Variants in PRSS21 observed in about 807,000 individuals in gnomAD.
PRSS21 encodes testisin.
In PRSS21, 40 loss-of-function variants were observed where a neutral mutation model predicts 31.1. That is an observed-to-expected ratio of 1.29 (90% CI 1.00 to 1.68). The LOEUF (loss-of-function observed/expected upper bound fraction) is 1.68, where lower values mean the gene tolerates loss of function less well. Among genes scored for constraint, PRSS21 ranks in the 40% most tolerant of loss-of-function variants. The pLI is 0.00. For synonymous variants in PRSS21, 186 were observed against 167.7 expected (o/e 1.11, Z -0.84); for missense variants, 467 against 412.6 (o/e 1.13, Z -1.14).
intron 4 of PRSS21, among the ~76,000 whole-genome samples, chr16:2,820,291 G>A (rs905729127): frequency 6.6e-6 from 1 of 152,226 alleles, no homozygotes; most frequent in Non-Finnish European, 1.5e-5. Context: ...CCCGCTGACG[G>A]GAAGCGCTGC....
chr16:2,821,150 C>G, intron 5 of PRSS21, 41 bp downstream of exon 5: 1 of 1,609,580 alleles, frequency 6.2e-7, no homozygotes, highest in South Asian at 1.1e-5. Flanking sequence ...GGAAAGCATC[C>G]TGTGTCCCTG....
Position 2,817,809 on chromosome 16 carries a change from G to A in PRSS21, c.100G>A (p.Gly34Ser), listed in dbSNP as rs1274971296. ...QEAAPLSGPC[G>S]RRVITSRIVG... ...TCCTCTGACCATCCGAGGACCATGC[G>A]GCCGACGGGTCATCACGTCGCGCAT... Residue 34 changes from glycine to serine, a missense_variant, in exon 3 of 6, where the codon GGC becomes AGC. Coordinates refer to ENST00000005995, the MANE Select transcript of PRSS21 (RefSeq NM_006799.4). The surrounding 1 kb of genome is among the most constrained non-coding windows in gnomAD (Gnocchi z 4.2). 1.3e-6 allele frequency: 2 copies of A among 1,549,760 alleles called. No individual in the cohort carries two copies. The highest frequency in any genetic ancestry group is 3.9e-5 in the Admixed American group (2 of 51,024).
At chr16:2,820,911 G>A (rs1210186700) in intron 4 of PRSS21, 44 bp from the exon 5 acceptor site, 1 of 1,597,116 alleles carries the variant, frequency 6.3e-7, no homozygotes, top group Non-Finnish European at 8.5e-7. Context: ...CCATAGAGGG[G>A]CCTCAGGTTG....
At chr16:2,818,650 C>T in intron 3 of PRSS21, 27 bp from the exon 4 acceptor site, 1 of 1,607,738 alleles carries the variant, frequency 6.2e-7, no homozygotes, top group Non-Finnish European at 8.5e-7. Context: ...ATCCAGGGCC[C>T]CTGACTGCTC....
chr16:2,818,585 CCA>C (rs2069118224), intron 3 of PRSS21, 90 bp from the exon 4 acceptor site: 2 of 1,322,798 alleles, frequency 1.5e-6, no homozygotes, highest in African/African-American at 1.5e-5. Flanking sequence ...AGCAGCAACA[CCA>C]CAGTTTCCCC....
Position 2,817,861 on chromosome 16 carries a change from G to T in PRSS21, c.152G>T (p.Gly51Val). 6.4e-7 allele frequency: 1 copy of T among 1,550,458 alleles called. No homozygotes were observed. Residue 51 changes from glycine (G) to valine (V), a missense_variant, in exon 3 of 6, where the codon GGG becomes GTG. By Grantham distance (109) the Gly-to-Val change is moderately radical (BLOSUM62 -3). Coordinates refer to ENST00000005995, the MANE Select transcript of PRSS21 (RefSeq NM_006799.4). The surrounding 1 kb of genome is among the most constrained non-coding windows in gnomAD (Gnocchi z 4.2). ...RIVGGEDAELGRWPWQGSLRL... is the reference protein window; with the variant it reads ...RIVGGEDAELVRWPWQGSLRL... ...GTGGGTGGAGAGGACGCCGAACTCGGGCGTTGGCCGTGGCAGGGGAGCCTG... is the reference window on the plus strand; with the variant it reads ...GTGGGTGGAGAGGACGCCGAACTCGTGCGTTGGCCGTGGCAGGGGAGCCTG...
Position 2,821,078 on chromosome 16 carries a change from G to T in PRSS21, c.674G>T (p.Gly225Val). The T allele has an allele frequency of 6.2e-7, 1 of 1,614,074 alleles. No individual in the cohort carries two copies. The highest frequency in any genetic ancestry group is 1.3e-5 in the African/African-American group (1 of 75,016). Residue 225 changes from glycine (G) to valine (V), a missense_variant, in exon 5 of 6, where the codon GGC becomes GTC. By Grantham distance (109) the Gly-to-Val change is moderately radical. Coordinates refer to ENST00000005995, the MANE Select transcript of PRSS21 (RefSeq NM_006799.4). ...ATCTTTGGAGACATGGTTTGTGCTG[G>T]CAATGCCCAAGGCGGGAAGGATGCC... ...KDIFGDMVCA[G>V]NAQGGKDACF...
chr16:2,818,876 A>G lies in PRSS21; in HGVS notation c.457A>G (p.Ile153Val), dbSNP rs1223544155. Reference sequence around the variant, plus strand: ...TGCACCTGTCACCTACACTAAACACATCCAGCCCATCTGTCTCCAGGCCTC... The same window carrying G: ...TGCACCTGTCACCTACACTAAACACGTCCAGCCCATCTGTCTCCAGGCCTC... The part of the protein sequence containing the change: ...LSAPVTYTKH[I>V]QPICLQASTF... Residue 153 changes from isoleucine (I) to valine (V), a missense_variant, in exon 4 of 6, where the codon ATC becomes GTC. Ile to Val is a conservative substitution (Grantham distance 29, BLOSUM62 3). Coordinates refer to ENST00000005995, the MANE Select transcript of PRSS21 (RefSeq NM_006799.4). 1.2e-6 allele frequency: 2 copies of G among 1,614,198 alleles called. No homozygotes were observed. Among genetic ancestry groups the G allele is most frequent in the South Asian group, 1.1e-5 (1 of 91,086 alleles).
At chr16:2,819,960 C>A (rs536669521) in intron 4 of PRSS21, among the ~76,000 whole-genome samples, 1 of 152,160 alleles carries the variant, frequency 6.6e-6, no homozygotes, top group African/African-American at 2.4e-5. Flanking sequence ...TGAGAAGGAC[C>A]CTTGCTGCAA....
Position 2,821,603 on chromosome 16 carries a change from T to G in PRSS21, c.943T>G (p.Ter315GlyextTer24), listed in dbSNP as rs755503370. The change falls in exon 6 of 6, where the codon TGA (stop) becomes GGA (glycine). Residue 315 changes from the stop codon to glycine (G), a stop_lost. Coordinates refer to ENST00000005995, the MANE Select transcript of PRSS21 (RefSeq NM_006799.4). The part of the protein sequence containing the change: ...LWALPLLGPV[*>G] ...GGCTCTCCCACTCCTGGGGCCGGTC[T>G]GAGCCTACCTGAGCCCATGCAGCCT... 2.5e-6 allele frequency: 4 copies of G among 1,608,532 alleles called. No homozygotes were observed. Among genetic ancestry groups the G allele is most frequent in the Non-Finnish European group, 3.4e-6 (4 of 1,177,086 alleles).
At chr16:2,819,018 G>A in intron 4 of PRSS21, 49 bp downstream of exon 4, 1 of 1,594,858 alleles carries the variant, frequency 6.3e-7, no homozygotes, top group African/African-American at 1.3e-5. Flanking sequence ...TTGTTCACCT[G>A]TTCCCCTGCA....
chr16:2,821,046 C>G lies in PRSS21; in HGVS notation c.642C>G (p.Arg214=). ...ACCTCTTCCTCAAGTACAGTTTCCG[C>G]AAGGACATCTTTGGAGACATGGTTT... ...CNHLFLKYSF[R]KDIFGDMVCA... is the part of the protein sequence containing the mutation. Residue 214 remains arginine (R), a synonymous_variant, in exon 5 of 6, where the codon CGC becomes CGG. Coordinates refer to ENST00000005995, the MANE Select transcript of PRSS21 (RefSeq NM_006799.4). The G allele has an allele frequency of 6.2e-7, 1 of 1,614,166 alleles. No individual in the cohort carries two copies.
Position 2,817,459 on chromosome 16 carries a change from A to G in PRSS21, c.91+3A>G. The G allele has an allele frequency of 2.0e-6, 3 of 1,533,824 alleles. No homozygotes were observed. The highest frequency in any genetic ancestry group is 1.1e-5 in the South Asian group (1 of 88,468). ...GCAGGAGGCGGCGCCGTTATCAGGT[A>G]GGGCGCCCAGGACGCGCGATTCCTG... is the stretch of plus-strand genomic sequence containing the variant. On this transcript the variant is annotated splice_donor_region_variant and intron_variant, in intron 2 of 5. Transcript: ENST00000005995. The surrounding 1 kb of genome is among the most constrained non-coding windows in gnomAD (Gnocchi z 4.2).
rs2069127022 is a variant in PRSS21 at position 2,818,931 on chromosome 16, G to A, written c.512G>A (p.Cys171Tyr). The change falls in exon 4 of 6, where the codon TGC becomes TAC. Residue 171 changes from cysteine (C) to tyrosine (Y), a missense_variant. Cys to Tyr is a radical substitution (Grantham distance 194, BLOSUM62 -2). Coordinates refer to ENST00000005995, the MANE Select transcript of PRSS21 (RefSeq NM_006799.4). ...TTTGAGTTTGAGAACCGGACAGACT[G>A]CTGGGTGACTGGCTGGGGGTACATC... Reference protein sequence around the residue: ...STFEFENRTDCWVTGWGYIKE... With the variant: ...STFEFENRTDYWVTGWGYIKE... The A allele has an allele frequency of 6.2e-7, 1 of 1,614,126 alleles. No individual in the cohort carries two copies. The highest frequency in any genetic ancestry group is 1.3e-5 in the African/African-American group (1 of 74,942).
chr16:2,821,209 C>G, intron 5 of PRSS21, 100 bp downstream of exon 5: 1 of 1,550,896 alleles, frequency 6.4e-7, no homozygotes, highest in South Asian at 1.2e-5. Context: ...GACTGTTGCC[C>G]CACTCTGCAG....
At chr16:2,820,575 A>G (rs1185233055) in intron 4 of PRSS21, among the ~76,000 whole-genome samples, 3 of 152,196 alleles carry the variant, frequency 2.0e-5, no homozygotes, top group Admixed American at 6.5e-5. Flanking sequence ...TACTGAGGCC[A>G]GGGCTGCAGC....
At position 2,819,752 on chromosome 16, in the gene PRSS21, G is replaced by C. The variant is rs887312227; in HGVS notation, c.550+783G>C. On this transcript the variant is annotated intron_variant, in intron 4 of 5. Coordinates refer to ENST00000005995, the MANE Select transcript of PRSS21 (RefSeq NM_006799.4). ...TGGAGCTCACCTAGGAATGAAGTTG[G>C]TAACGTTCTTATACCCATCTTACAG... Among the ~76,000 whole-genome samples the C allele has an allele frequency of 2.0e-5, 3 of 152,366 alleles. No homozygotes were observed. The East Asian group carries it at 5.8e-4, about 29-fold the overall frequency.
chr16:2,818,384 T>C (rs369223161), intron 3 of PRSS21, among the ~76,000 whole-genome samples: 48 of 152,302 alleles, frequency 3.2e-4, no homozygotes, highest in African/African-American at 1.1e-3. Context: ...ATTGGCGTGG[T>C]GCATCTCCCC....
Position 2,817,572 on chromosome 16 carries a change from A to G in PRSS21, c.91+116A>G. On this transcript the variant is annotated intron_variant, in intron 2 of 5. Coordinates refer to ENST00000005995, the MANE Select transcript of PRSS21 (RefSeq NM_006799.4). This position sits in a 1 kb window ranked among gnomAD's most constrained non-coding sequence, Gnocchi z 4.2. ...TCTCTCGCCCCCGCCCCCGGGATCG[A>G]GAACTCTGTTGGCGTGGAAAGTAAC... 7.0e-7 allele frequency: 1 copy of G among 1,424,612 alleles called. No individual in the cohort carries two copies. Among genetic ancestry groups the G allele is most frequent in the Non-Finnish European group, 9.3e-7 (1 of 1,074,488 alleles). The allele number at this position is 1,424,612 out of a possible 1,614,324, so 88.2% of individuals were successfully genotyped here.
Sources: gnomAD v4.1 joint callset for allele counts (sites outside exome capture counted in the v4.1 genomes callset) on GRCh38, gnomAD v4.1.1 for gene constraint, Gnocchi (gnomAD v3.1) non-coding constraint, MANE v1.5 for transcripts, NCBI Gene and HGNC (gene_info 2026-07-23, HGNC 2026-07-21) for gene names.